The following PPP2R5E variants were observed in gnomAD, a reference collection of about 807,000 sequenced individuals.
The protein encoded by PPP2R5E is protein phosphatase 2 regulatory subunit B'epsilon, also known as serine/threonine-protein phosphatase 2A 56 kDa regulatory subunit epsilon isoform.
Under a neutral mutation model 65.3 loss-of-function variants are expected in PPP2R5E, and 4 were observed. That is an observed-to-expected ratio of 0.06 (90% CI 0.03 to 0.14). PPP2R5E has a LOEUF of 0.14. Ranked by LOEUF, PPP2R5E falls within the 10% of genes least tolerant of loss-of-function variation. The probability of loss-of-function intolerance (pLI) is 1.00; values close to 1 mark genes in which losing one functional copy is unlikely to be tolerated. For missense variants in PPP2R5E, 274 were observed against 556.1 expected (o/e 0.49, Z 5.10); for synonymous variants, 183 against 187.4 (o/e 0.98, Z 0.19).
chr14:63,522,757 C>A (rs1046586107), intron 2 of PPP2R5E, among the ~76,000 whole-genome samples: 1 of 151,484 alleles, frequency 6.6e-6, no homozygotes. Flanking sequence ...GAAGCCGCCC[C>A]GTCTGAGAAG....
intron 2 of PPP2R5E, among the ~76,000 whole-genome samples, chr14:63,513,752 A>T (rs1333592015): frequency 6.6e-6 from 1 of 152,232 alleles, no homozygotes; most frequent in Admixed American, 6.5e-5. Context: ...AAGGGAAACT[A>T]CACAGAAGAC....
intron 2 of PPP2R5E, among the ~76,000 whole-genome samples, chr14:63,469,493 C>T (rs765070012): frequency 3.6e-4 from 55 of 152,256 alleles, no homozygotes; most frequent in Admixed American, 1.8e-3. Flanking sequence ...GAGATCAAGA[C>T]CATCCTGGCT....
At chr14:63,488,655 C>G (rs1891125175) in intron 2 of PPP2R5E, among the ~76,000 whole-genome samples, 1 of 150,920 alleles carries the variant, frequency 6.6e-6, no homozygotes, top group African/African-American at 2.4e-5. Flanking sequence ...TTGAGACCAG[C>G]GTGGCCAACA....
chr14:63,414,574 T>C (rs958520986), intron 5 of PPP2R5E, among the ~76,000 whole-genome samples: 1 of 152,172 alleles, frequency 6.6e-6, no homozygotes, highest in African/African-American at 2.4e-5. Context: ...TGTTATAACA[T>C]GCACAATGAG....
chr14:63,450,275 C>A (rs1444476106), intron 3 of PPP2R5E, among the ~76,000 whole-genome samples: 1 of 152,172 alleles, frequency 6.6e-6, no homozygotes, highest in South Asian at 2.1e-4. Context: ...TCAGAAATCA[C>A]CAAATATGAA....
intron 2 of PPP2R5E, among the ~76,000 whole-genome samples, chr14:63,522,893 C>T (rs1215203697): frequency 1.4e-5 from 2 of 148,042 alleles, no homozygotes; most frequent in Non-Finnish European, 3.0e-5. Flanking sequence ...CCAGCCGCCC[C>T]GTCCGGGAGG....
chr14:63,383,684 T>A (rs1594810907), intron 12 of PPP2R5E, among the ~76,000 whole-genome samples: 1 of 152,342 alleles, frequency 6.6e-6, no homozygotes, highest in African/African-American at 2.4e-5. Flanking sequence ...TATCTCCCAA[T>A]TTTTAAATAC....
At chr14:63,495,883 G>A (rs1464667863) in intron 2 of PPP2R5E, among the ~76,000 whole-genome samples, 1 of 151,908 alleles carries the variant, frequency 6.6e-6, no homozygotes, top group Non-Finnish European at 1.5e-5. Flanking sequence ...TAGAGACAAG[G>A]TTTCCCTATG....
chr14:63,490,151 A>G (rs746955429), intron 2 of PPP2R5E, among the ~76,000 whole-genome samples: 1 of 152,118 alleles, frequency 6.6e-6, no homozygotes, highest in African/African-American at 2.4e-5. Context: ...CACTAGCCAC[A>G]TATAACTACT....
intron 13 of PPP2R5E, among the ~76,000 whole-genome samples, chr14:63,381,332 A>C (rs1243228550): frequency 6.6e-6 from 1 of 152,056 alleles, no homozygotes; most frequent in Non-Finnish European, 1.5e-5. Flanking sequence ...CAAGAGCTAG[A>C]TAAATGGTGC....
At chr14:63,501,727 CAAT>C (rs1891899590) in intron 2 of PPP2R5E, among the ~76,000 whole-genome samples, 1 of 151,992 alleles carries the variant, frequency 6.6e-6, no homozygotes, top group African/African-American at 2.4e-5. Context: ...AATTATGTCT[CAAT>C]AAAGCTGTTA....
At chr14:63,489,996 T>C (rs1891206303) in intron 2 of PPP2R5E, among the ~76,000 whole-genome samples, 1 of 152,144 alleles carries the variant, frequency 6.6e-6, no homozygotes, top group Non-Finnish European at 1.5e-5. Context: ...GGTAAGCAAC[T>C]ATAAACATAT....
intron 13 of PPP2R5E, among the ~76,000 whole-genome samples, chr14:63,379,852 T>TTTC: frequency 7.1e-5 from 10 of 140,976 alleles, no homozygotes; most frequent in African/African-American, 2.7e-4. Flanking sequence ...TTTTTTTTTT[T>TTTC]GAGACAGAGT....
intron 2 of PPP2R5E, among the ~76,000 whole-genome samples, chr14:63,519,413 C>T (rs769489529): frequency 6.6e-6 from 1 of 151,322 alleles, no homozygotes; most frequent in Non-Finnish European, 1.5e-5. Context: ...TGCAGTGGTA[C>T]GATCTCTGCT....
At chr14:63,472,775 T>C (rs867152405) in intron 2 of PPP2R5E, among the ~76,000 whole-genome samples, 3 of 152,180 alleles carry the variant, frequency 2.0e-5, no homozygotes, top group Non-Finnish European at 2.9e-5. Flanking sequence ...GACAGGTGAC[T>C]AGAAAGAGTG....
intron 2 of PPP2R5E, among the ~76,000 whole-genome samples, chr14:63,476,762 A>T (rs1890431905): frequency 6.6e-6 from 1 of 152,146 alleles, no homozygotes; most frequent in African/African-American, 2.4e-5. Flanking sequence ...ATCCATTAAC[A>T]ATTAGTAATC....
At chr14:63,472,268 C>A (rs1021010620) in intron 2 of PPP2R5E, among the ~76,000 whole-genome samples, 2 of 152,136 alleles carry the variant, frequency 1.3e-5, no homozygotes, top group African/African-American at 2.4e-5. Flanking sequence ...CCATTTCACT[C>A]CAGCCTGGGT....
intron 8 of PPP2R5E, among the ~76,000 whole-genome samples, chr14:63,393,460 T>A (rs1420407006): frequency 1.3e-5 from 2 of 152,178 alleles, no homozygotes; most frequent in African/African-American, 4.8e-5. Flanking sequence ...ACCTCTGTAA[T>A]CCCAGCACTT....
At chr14:63,517,213 A>T (rs1395052596) in intron 2 of PPP2R5E, among the ~76,000 whole-genome samples, 1 of 152,260 alleles carries the variant, frequency 6.6e-6, no homozygotes, top group African/African-American at 2.4e-5. Flanking sequence ...CTTAAAAAAA[A>T]TAAAAAATAA....
Sources: gnomAD v4.1 joint callset for allele counts (sites outside exome capture counted in the v4.1 genomes callset) on GRCh38, gnomAD v4.1.1 for gene constraint, MANE v1.5 for transcripts, NCBI Gene and HGNC (gene_info 2026-07-23, HGNC 2026-07-21) for gene names.